The following MRPL1 variants were observed in gnomAD, a reference collection of about 807,000 sequenced individuals.
MRPL1 encodes the protein mitochondrial ribosomal protein L1, also known as large ribosomal subunit protein uL1m.
A neutral mutation model predicts 38.0 loss-of-function variants in MRPL1; 28 were observed. The ratio of observed to expected loss-of-function variants is 0.74; its 90% CI spans 0.55 to 1.01. The LOEUF is 1.01. MRPL1 is among the 50% of genes least tolerant of loss of function. The pLI, the probability that MRPL1 is intolerant of heterozygous loss-of-function variation, is 0.00. For synonymous variants in MRPL1, 123 were observed against 126.7 expected, an observed-to-expected ratio of 0.97 and a Z score of 0.20; for missense variants, 358 against 389.8, an observed-to-expected ratio of 0.92 and a Z score of 0.69.
chr4:77,922,094 G>A (rs1232235124), intron 7 of MRPL1, among the ~76,000 whole-genome samples: 2 of 151,992 alleles, frequency 1.3e-5, no homozygotes, highest in Non-Finnish European at 2.9e-5. Context: ...ATGAATGGTA[G>A]AAAATAAGTA....
intron 6 of MRPL1, among the ~76,000 whole-genome samples, chr4:77,899,388 CA>C (rs1370919423): frequency 6.6e-6 from 1 of 152,044 alleles, no homozygotes; most frequent in Non-Finnish European, 1.5e-5. Flanking sequence ...CTATCCTTTC[CA>C]GCTGCGATCT....
intron 5 of MRPL1, among the ~76,000 whole-genome samples, chr4:77,888,838 A>G (rs1735743067): frequency 6.6e-6 from 1 of 152,092 alleles, no homozygotes; most frequent in African/African-American, 2.4e-5. Context: ...CATTAGGTAT[A>G]TCTCCTAATG....
chr4:77,931,459 T>G (rs1346817798), intron 7 of MRPL1, among the ~76,000 whole-genome samples: 1 of 152,218 alleles, frequency 6.6e-6, no homozygotes, highest in East Asian at 1.9e-4. Context: ...CAGAGGATAT[T>G]GAAGCACAAT....
chr4:77,928,110 G>A (rs1426297850), intron 7 of MRPL1, among the ~76,000 whole-genome samples: 1 of 152,192 alleles, frequency 6.6e-6, no homozygotes, highest in Non-Finnish European at 1.5e-5. Flanking sequence ...GAATGGTTTT[G>A]TGGCAAGCGT....
Position 77,947,883 on chromosome 4 carries a change from G to GA in MRPL1, c.778-1914_778-1913insA, listed in dbSNP as rs1227037689. 2.6e-5 allele frequency among the ~76,000 whole-genome samples: 4 copies of GA among 152,144 alleles called. No individual in the cohort carries two copies. The East Asian group carries it at 7.7e-4, about 29-fold the overall frequency. On this transcript the variant is annotated intron_variant, in intron 7 of 8. Coordinates refer to ENST00000315567, the MANE Select transcript of MRPL1 (RefSeq NM_020236.4). ...AGAGGGCACAGTACTATATATTAAA[G>GA]TTGCTAAAATTTGAATAAAAGTATA...
At chr4:77,911,556 C>T (rs1185081583) in intron 7 of MRPL1, among the ~76,000 whole-genome samples, 1 of 151,968 alleles carries the variant, frequency 6.6e-6, no homozygotes, top group Non-Finnish European at 1.5e-5. Context: ...ACCCTTGTTC[C>T]AGCTAGAAAG....
intron 7 of MRPL1, among the ~76,000 whole-genome samples, chr4:77,933,425 G>T (rs1363467747): frequency 1.3e-5 from 2 of 152,166 alleles, no homozygotes; most frequent in African/African-American, 4.8e-5. Context: ...GAGCTGAAAA[G>T]GTGAGCCTCA....
intron 7 of MRPL1, 30 bp downstream of exon 7, chr4:77,909,402 CCT>C (rs1736236445): frequency 7.7e-7 from 1 of 1,298,244 alleles, no homozygotes; most frequent in Non-Finnish European, 1.1e-6. Context: ...ATCAAATAAT[CCT>C]CTTTTTTTGT....
intron 2 of MRPL1, among the ~76,000 whole-genome samples, chr4:77,875,290 G>T (rs978950891): frequency 2.0e-5 from 3 of 152,108 alleles, no homozygotes; most frequent in Admixed American, 1.3e-4. Flanking sequence ...AGTGCTATGC[G>T]ATCACAGATG....
At chr4:77,915,148 C>T (rs1484664060) in intron 7 of MRPL1, among the ~76,000 whole-genome samples, 1 of 152,098 alleles carries the variant, frequency 6.6e-6, no homozygotes, top group Non-Finnish European at 1.5e-5. Context: ...TCTTGATGTT[C>T]TGTGTTACGA....
chr4:77,881,698 C>T (rs1735546595), intron 2 of MRPL1, among the ~76,000 whole-genome samples: 1 of 152,142 alleles, frequency 6.6e-6, no homozygotes, highest in Non-Finnish European at 1.5e-5. Flanking sequence ...GCCTTGGCCT[C>T]CCAAAGTGCT....
chr4:77,874,001 CTT>C (rs1184872676), intron 2 of MRPL1, among the ~76,000 whole-genome samples: 16 of 139,608 alleles, frequency 1.1e-4, no homozygotes, highest in Admixed American at 2.2e-4. Flanking sequence ...ATATTGCCTG[CTT>C]TTTTTTTTTT....
chr4:77,877,384 T>C lies in MRPL1; in HGVS notation c.143+5529T>C, dbSNP rs144793580. 9.4e-4 allele frequency among the ~76,000 whole-genome samples: 143 copies of C among 152,210 alleles called. 1 individual carries two copies. Among genetic ancestry groups the C allele is most frequent in the African/African-American group, 3.2e-3 (132 of 41,530 alleles). ...TGTTGTTGCCATGGTTACCATCAGC[T>C]TCAAATTTCTGTAGTTACCTTGTTC... On this transcript the variant is annotated intron_variant, in intron 2 of 8. Transcript: ENST00000315567.
Position 77,952,546 on chromosome 4 carries a change from A to C in MRPL1, c.917A>C (p.Lys306Thr). 6.2e-7 allele frequency: 1 copy of C among 1,613,586 alleles called. No individual in the cohort carries two copies. The highest frequency in any genetic ancestry group is 8.5e-7 in the Non-Finnish European group (1 of 1,179,792). ...TCAACAAGTGAAGGTTTATTACTGA[A>C]GATTGATCCATTGTTGCCTAAAGAA... ...RSSTSEGLLL[K>T]IDPLLPKEVK... The change falls in exon 9 of 9, where the codon AAG becomes ACG. Residue 306 changes from lysine (K) to threonine (T), a missense_variant. By Grantham distance (78) the Lys-to-Thr change is moderately conservative. Coordinates refer to ENST00000315567, the MANE Select transcript of MRPL1 (RefSeq NM_020236.4).
At chr4:77,867,598 C>CAAG (rs1735175214) in intron 1 of MRPL1, among the ~76,000 whole-genome samples, 4 of 152,182 alleles carry the variant, frequency 2.6e-5, no homozygotes, top group African/African-American at 4.8e-5. Flanking sequence ...GTTGCCCAAG[C>CAAG]TGGTCTTGAA....
chr4:77,943,688 A>G (rs1737187045), intron 7 of MRPL1, among the ~76,000 whole-genome samples: 1 of 151,938 alleles, frequency 6.6e-6, no homozygotes, highest in Non-Finnish European at 1.5e-5. Context: ...TGCATTTTGC[A>G]TTTCTTTTAA....
intron 1 of MRPL1, among the ~76,000 whole-genome samples, chr4:77,869,880 C>T (rs1466636202): frequency 6.7e-6 from 1 of 150,246 alleles, no homozygotes; most frequent in Non-Finnish European, 1.5e-5. Context: ...TGTGAGCCAC[C>T]GCACCCAGCC....
chr4:77,943,983 A>G (rs937241205), intron 7 of MRPL1, among the ~76,000 whole-genome samples: 5 of 152,160 alleles, frequency 3.3e-5, no homozygotes, highest in African/African-American at 9.7e-5. Flanking sequence ...TATTATCACA[A>G]TTGTTTTTCT....
At chr4:77,886,349 T>C (rs1489570361) in intron 4 of MRPL1, among the ~76,000 whole-genome samples, 1 of 152,016 alleles carries the variant, frequency 6.6e-6, no homozygotes, top group Non-Finnish European at 1.5e-5. Flanking sequence ...TTTTTTTTTC[T>C]TTGAGATGGA....
Sources: allele counts gnomAD v4.1 joint callset (sites outside exome capture counted in the v4.1 genomes callset), GRCh38; gene constraint gnomAD v4.1.1; transcripts MANE v1.5; gene names NCBI Gene and HGNC (gene_info 2026-07-23, HGNC 2026-07-21).